The following ADGRF5 variants were observed in gnomAD, a reference collection of about 807,000 sequenced individuals.
ADGRF5 encodes G-protein coupled receptor 116.
A neutral mutation model predicts 132.3 loss-of-function variants in ADGRF5; 75 were observed. The ratio of observed to expected loss-of-function variants is 0.57; its 90% confidence interval spans 0.47 to 0.69. The LOEUF (loss-of-function observed/expected upper bound fraction) is 0.69, where lower values mean the gene tolerates loss of function less well. Among genes scored for constraint, ADGRF5 ranks in the 30% least tolerant of loss-of-function variants. ADGRF5 has a pLI of 0.00. For missense variants in ADGRF5, 1,516 were observed against 1,630.6 expected (o/e 0.93, Z 1.21); for synonymous variants, 629 against 597.6 (o/e 1.05, Z -0.77).
intron 1 of ADGRF5, among the ~76,000 whole-genome samples, chr6:46,942,473 C>T (rs62401776): frequency 0.031 from 4,708 of 152,298 alleles, 105 homozygotes; most frequent in Non-Finnish European, 0.044. Context: ...CTTCTAGCTA[C>T]TTAAATTTGG....
intron 7 of ADGRF5, 129 bp downstream of exon 7, chr6:46,881,920 T>C (rs1381057987): frequency 1.3e-6 from 1 of 775,864 alleles, no homozygotes; most frequent in African/African-American, 1.7e-5. Context: ...GAGGTACTTT[T>C]TTCACCTCTA....
chr6:46,904,181 A>T (rs186222945), intron 2 of ADGRF5, among the ~76,000 whole-genome samples: 63 of 152,352 alleles, frequency 4.1e-4, no homozygotes, highest in Middle Eastern at 3.4e-3. Flanking sequence ...CCATGCTTAC[A>T]TGAAAGCTTG....
chr6:46,890,577 C>G (rs1019579070), intron 3 of ADGRF5, among the ~76,000 whole-genome samples: 1 of 151,870 alleles, frequency 6.6e-6, no homozygotes, highest in Non-Finnish European at 1.5e-5. Flanking sequence ...ATTAGCTGGG[C>G]ATGGTGGCGT....
chr6:46,919,215 T>C (rs10484844), intron 1 of ADGRF5, among the ~76,000 whole-genome samples: 1 of 151,968 alleles, frequency 6.6e-6, no homozygotes, highest in Admixed American at 6.6e-5. Flanking sequence ...CACATGACTT[T>C]TATCCTCATA....
Position 46,884,053 on chromosome 6 carries a change from T to A in ADGRF5, c.505+42A>T, listed in dbSNP as rs770241225. Reference sequence around the variant, plus strand: ...CACCATGCCCAGTCGTAAACTGATGTTGAATAGCCACTCAACGAGCATTTA... The same window carrying A: ...CACCATGCCCAGTCGTAAACTGATGATGAATAGCCACTCAACGAGCATTTA... On this transcript the variant is annotated intron_variant, in intron 5 of 20. Coordinates refer to ENST00000283296, the MANE Select transcript of ADGRF5 (RefSeq NM_001098518.2). 1.6e-5 allele frequency: 24 copies of A among 1,530,114 alleles called. No individual in the cohort carries two copies. The Admixed American group carries it at 3.6e-4, about 23-fold the overall frequency. 94.8% of individuals were successfully genotyped at this position (1,530,114 alleles called of 1,614,324 possible).
At chr6:46,871,154 G>A (rs1771016716) in intron 11 of ADGRF5, among the ~76,000 whole-genome samples, 1 of 152,116 alleles carries the variant, frequency 6.6e-6, no homozygotes, top group South Asian at 2.1e-4. Flanking sequence ...AGGGTCTAAT[G>A]ATTAATCTAA....
chr6:46,889,505 G>T (rs1369896693), intron 3 of ADGRF5, among the ~76,000 whole-genome samples: 1 of 144,996 alleles, frequency 6.9e-6, no homozygotes, highest in Non-Finnish European at 1.5e-5. Context: ...TATATAGAGA[G>T]AGACTATATA....
At chr6:46,941,815 A>G (rs9472918) in intron 1 of ADGRF5, among the ~76,000 whole-genome samples, 20,110 of 152,118 alleles carry the variant, frequency 0.13, 1,512 homozygotes, top group Admixed American at 0.22. Flanking sequence ...ACACATAATT[A>G]TCTTCAGCCG....
intron 10 of ADGRF5, among the ~76,000 whole-genome samples, chr6:46,877,279 CTTT>C (rs1771838642): frequency 2.3e-4 from 11 of 48,404 alleles, no homozygotes; most frequent in Non-Finnish European, 7.8e-5. Flanking sequence ...TTCTTTCTTT[CTTT>C]CTTTCTTTCT....
chr6:46,875,093 A>G (rs1057410732), intron 10 of ADGRF5, among the ~76,000 whole-genome samples: 1 of 152,198 alleles, frequency 6.6e-6, no homozygotes, highest in African/African-American at 2.4e-5. Flanking sequence ...CCACTGCTAT[A>G]AGCAAAAACA....
At chr6:46,864,940 A>C in intron 14 of ADGRF5, 102 bp downstream of exon 14, 10 of 776,468 alleles carry the variant, frequency 1.3e-5, no homozygotes, top group Non-Finnish European at 2.2e-5. Flanking sequence ...CAGTGAGGGT[A>C]TTTAACATAT....
At chr6:46,877,326 T>TTCCTTCCTTCCTTCC (rs1396210264) in intron 10 of ADGRF5, among the ~76,000 whole-genome samples, 2 of 98,394 alleles carry the variant, frequency 2.0e-5, no homozygotes, top group Admixed American at 1.1e-4. Flanking sequence ...TCCTTCCTTC[T>TTCCTTCCTTCCTTCC]TTCTTTCTTT....
chr6:46,948,732 G>A (rs545292615), intron 1 of ADGRF5, among the ~76,000 whole-genome samples: 18 of 152,240 alleles, frequency 1.2e-4, no homozygotes, highest in African/African-American at 3.4e-4. Context: ...TGCCGTCACC[G>A]GTCTCTGGAA....
At position 46,880,009 on chromosome 6, in the gene ADGRF5, A is replaced by C. The variant is rs1445447335; in HGVS notation, c.845T>G (p.Ile282Ser). Reference sequence around the variant, plus strand: ...ACTGACTGTGTCCCCTTCAAAGATGATTTCTGGTGTGACAAAGAAATTGCT... The same window carrying C: ...ACTGACTGTGTCCCCTTCAAAGATGCTTTCTGGTGTGACAAAGAAATTGCT... Reference protein sequence around the residue: ...NESNFFVTPEIIFEGDTVSLV... With the variant: ...NESNFFVTPESIFEGDTVSLV... Residue 282 changes from isoleucine to serine, a missense_variant, in exon 9 of 21, where the codon ATC becomes AGC. Ile to Ser is a moderately radical substitution (Grantham distance 142, BLOSUM62 -2). This residue lies in a region of ADGRF5 where 945 missense variants were observed against 929.4 expected (regional missense o/e 1.02). Transcript: ENST00000283296. The C allele has an allele frequency of 4.9e-5, 79 of 1,614,010 alleles. No individual in the cohort carries two copies. The highest frequency in any genetic ancestry group is 6.4e-5 in the Non-Finnish European group (76 of 1,179,980).
At chr6:46,888,696 C>G (rs989252268) in intron 3 of ADGRF5, among the ~76,000 whole-genome samples, 191 bp from the exon 4 acceptor site, 1 of 152,142 alleles carries the variant, frequency 6.6e-6, no homozygotes, top group Non-Finnish European at 1.5e-5. Flanking sequence ...TGTCCAAGGC[C>G]AAGCACTGCT....
At chr6:46,935,909 G>A (rs1384723164) in intron 1 of ADGRF5, among the ~76,000 whole-genome samples, 3 of 152,134 alleles carry the variant, frequency 2.0e-5, no homozygotes, top group Non-Finnish European at 4.4e-5. Context: ...AGGGGGACGG[G>A]GTGAAGGCGT....
intron 11 of ADGRF5, among the ~76,000 whole-genome samples, chr6:46,870,297 C>G (rs1049002593): frequency 1.3e-5 from 2 of 152,090 alleles, no homozygotes; most frequent in Non-Finnish European, 2.9e-5. Context: ...GGACTACAGG[C>G]CCACATCCCC....
chr6:46,857,913 T>C (rs753175666), intron 17 of ADGRF5, among the ~76,000 whole-genome samples: 2 of 152,230 alleles, frequency 1.3e-5, no homozygotes, highest in Non-Finnish European at 1.5e-5. Flanking sequence ...CAAATGACAC[T>C]AAATTATAAT....
At chr6:46,901,245 C>T (rs1581920832) in intron 2 of ADGRF5, among the ~76,000 whole-genome samples, 1 of 152,132 alleles carries the variant, frequency 6.6e-6, no homozygotes, top group East Asian at 1.9e-4. Context: ...CTACCCCATA[C>T]CTTGACCTGA....
Sources: allele counts gnomAD v4.1 joint callset (sites outside exome capture counted in the v4.1 genomes callset), GRCh38; gene constraint gnomAD v4.1.1; regional missense constraint gnomAD v4.1.1; transcripts MANE v1.5; gene names NCBI Gene and HGNC (gene_info 2026-07-23, HGNC 2026-07-21).